RAB12: variants seen among roughly 807,000 people sequenced by gnomAD.
RAB12 encodes ras-related protein Rab-12.
A neutral mutation model predicts 28.4 loss-of-function variants in RAB12; 11 were observed. That is an observed-to-expected ratio of 0.39 (90% CI 0.24 to 0.64). The LOEUF (loss-of-function observed/expected upper bound fraction) is 0.64. Ranked by LOEUF, RAB12 falls within the 30% of genes least tolerant of loss-of-function variation. The pLI, the probability that RAB12 is intolerant of heterozygous loss-of-function variation, is 0.50. For synonymous variants in RAB12, 138 were observed against 145.3 expected (o/e 0.95, Z 0.36); for missense variants, 276 against 351.1 (o/e 0.79, Z 1.71).
chr18:8,623,062 A>T (rs1398801322), intron 1 of RAB12, among the ~76,000 whole-genome samples: 1 of 152,316 alleles, frequency 6.6e-6, no homozygotes, highest in South Asian at 2.1e-4. Context: ...CACATGCTCT[A>T]CAATTTGTGC....
chr18:8,618,614 G>A (rs890569855), intron 1 of RAB12, among the ~76,000 whole-genome samples: 1 of 151,568 alleles, frequency 6.6e-6, no homozygotes, highest in African/African-American at 2.4e-5. Flanking sequence ...GGTTCACGCC[G>A]TTCTCCTGCC....
At chr18:8,621,854 A>G (rs1451070806) in intron 1 of RAB12, among the ~76,000 whole-genome samples, 5 of 152,114 alleles carry the variant, frequency 3.3e-5, no homozygotes, top group East Asian at 1.9e-4. Flanking sequence ...TCTTAGCCCT[A>G]TTTACTGTCG....
chr18:8,638,279 C>G lies in RAB12; in HGVS notation c.*17C>G, dbSNP rs763198374. 13 of 1,551,514 alleles carry G rather than the reference C, an allele frequency of 8.4e-6. No homozygotes were observed. The highest frequency in any genetic ancestry group is 1.2e-5 in the Non-Finnish European group (13 of 1,124,226). ...TGCTGTTGATTTCCTACTTTGGAGA[C>G]AAAGTGGAAATGATTCCTGGAAAGG... On this transcript the variant is annotated 3_prime_UTR_variant, in exon 6 of 6. Transcript: ENST00000649141.
At chr18:8,620,166 A>AAT (rs2096009090) in intron 1 of RAB12, among the ~76,000 whole-genome samples, 1 of 11,656 alleles carries the variant, frequency 8.6e-5, no homozygotes, top group African/African-American at 7.4e-4. Context: ...TTTTTGCTTC[A>AAT]AAAAAAAAAA....
intron 1 of RAB12, among the ~76,000 whole-genome samples, chr18:8,616,037 C>T (rs1198979837): frequency 2.0e-5 from 3 of 152,140 alleles, no homozygotes; most frequent in Non-Finnish European, 2.9e-5. Flanking sequence ...GTGCCAGATA[C>T]GTTGTTCCAA....
chr18:8,624,184 C>A (rs2096011434), intron 1 of RAB12, among the ~76,000 whole-genome samples: 1 of 152,208 alleles, frequency 6.6e-6, no homozygotes, highest in South Asian at 2.1e-4. Context: ...CCTTTTGTTT[C>A]CCTTAGTTAT....
In RAB12 at chr18:8,635,643, C is replaced by T. The variant is rs147489143; in HGVS notation, c.804+21C>T. 489 of 1,534,728 alleles carry T rather than the reference C, an allele frequency of 3.2e-4. 1 individual carries two copies. The African/African-American group carries it at 5.5e-3, about 17-fold the overall frequency. On this transcript the variant is annotated intron_variant, in intron 4 of 5. Coordinates refer to ENST00000649141, the MANE Select transcript of RAB12 (RefSeq NM_001025300.3). Reference sequence around the variant, plus strand: ...AAAAGGTGAGAGGGCGTGGGAGGCACGGTTGCCACACACTGTGCTTAGCGC... The same window carrying T: ...AAAAGGTGAGAGGGCGTGGGAGGCATGGTTGCCACACACTGTGCTTAGCGC...
Position 8,636,290 on chromosome 18 carries a change from C to CA in RAB12, c.844dup (p.Ser282LysfsTer5). 1 of 1,613,668 alleles carries CA rather than the reference C, an allele frequency of 6.2e-7. No homozygotes were observed. Among genetic ancestry groups the CA allele is most frequent in the Non-Finnish European group, 8.5e-7 (1 of 1,179,666 alleles). ...ATCACTGGGATGCGGTTCTGTGAAG[C>CA]AAGTGCCAAGGATAACTTCAATGTG... On this transcript the variant is annotated frameshift_variant, in exon 5 of 6. Transcript: ENST00000649141. LOFTEE classifies it high-confidence loss of function.
chr18:8,614,770 G>A (rs1019680430), intron 1 of RAB12, among the ~76,000 whole-genome samples: 1 of 152,062 alleles, frequency 6.6e-6, no homozygotes, highest in Non-Finnish European at 1.5e-5. Context: ...ATTTTTAGTA[G>A]TGACAGGGTT....
At chr18:8,637,962 C>T (rs1165321100) in intron 5 of RAB12, among the ~76,000 whole-genome samples, 187 bp from the exon 6 acceptor site, 3 of 152,024 alleles carry the variant, frequency 2.0e-5, no homozygotes, top group Non-Finnish European at 2.9e-5. Context: ...ATTGGTCTTG[C>T]TGTCTCTTCC....
chr18:8,621,712 G>A (rs2096009971), intron 1 of RAB12, among the ~76,000 whole-genome samples: 1 of 152,074 alleles, frequency 6.6e-6, no homozygotes, highest in African/African-American at 2.4e-5. Context: ...AGATGGTTTT[G>A]TCACCCAGGC....
At position 8,639,184 on chromosome 18, in the gene RAB12, T is replaced by TTTTTTTTTTTTTG. The variant is rs2096020983; in HGVS notation, c.*930_*931insTTTTGTTTTTTTT. 1 of 130,964 alleles carries TTTTTTTTTTTTTG rather than the reference T, an allele frequency of 7.6e-6. No homozygotes were observed. The highest frequency in any genetic ancestry group is 2.9e-5 in the African/African-American group (1 of 34,146). The allele number at this position is 130,964 out of a possible 1,614,324, so 8.1% of individuals were successfully genotyped here. A position where few individuals can be genotyped will look rare whatever the true frequency, so the allele number is the denominator to read the frequency against. ...TTTTTTTTTTTTTTTTTTTTTTTTT[T>TTTTTTTTTTTTTG]TTTTTTTTGGTCTGATGATGAATTT... On this transcript the variant is annotated 3_prime_UTR_variant, in exon 6 of 6. Transcript: ENST00000649141.
chr18:8,624,554 A>T (rs980030280), intron 1 of RAB12, among the ~76,000 whole-genome samples: 12 of 152,242 alleles, frequency 7.9e-5, no homozygotes, highest in African/African-American at 2.9e-4. Context: ...TTAAGTTTCC[A>T]GTGTTCCATA....
intron 1 of RAB12, among the ~76,000 whole-genome samples, chr18:8,622,359 G>A (rs552246978): frequency 9.2e-5 from 14 of 152,288 alleles, no homozygotes; most frequent in African/African-American, 3.1e-4. Flanking sequence ...TTTTCCCTAA[G>A]CGTCGGCCGG....
At position 8,636,335 on chromosome 18, in the gene RAB12, T is replaced by G; in HGVS notation, c.887T>G (p.Leu296Arg). The G allele has an allele frequency of 6.2e-7, 1 of 1,606,390 alleles. No individual in the cohort carries two copies. Among genetic ancestry groups the G allele is most frequent in the Non-Finnish European group, 8.5e-7 (1 of 1,174,574 alleles). Reference sequence around the variant, plus strand: ...AATGTGGACGAGATATTTTTGAAACTTGTCGATGACATTCTGAAAAAGGTA... The same window carrying G: ...AATGTGGACGAGATATTTTTGAAACGTGTCGATGACATTCTGAAAAAGGTA... ...NFNVDEIFLK[L>R]VDDILKKMPL... is the part of the protein sequence containing the mutation. The change falls in exon 5 of 6, where the codon CTT becomes CGT. Residue 296 changes from leucine (L) to arginine (R), a missense_variant. This residue lies in a region of RAB12 where 127 missense variants were observed against 161.4 expected (regional missense o/e 0.79). Coordinates refer to ENST00000649141, the MANE Select transcript of RAB12 (RefSeq NM_001025300.3).
At chr18:8,635,088 T>A (rs2096018126) in intron 3 of RAB12, 1 of 152,450 alleles carries the variant, frequency 6.6e-6, no homozygotes, top group African/African-American at 2.4e-5. Context: ...TTGCTTATTT[T>A]GTGAATATTC....
chr18:8,616,392 A>C (rs2096006687), intron 1 of RAB12, among the ~76,000 whole-genome samples: 1 of 151,956 alleles, frequency 6.6e-6, no homozygotes, highest in Non-Finnish European at 1.5e-5. Context: ...AAAAAAAAAA[A>C]AAAAAAAACT....
At chr18:8,627,938 A>C (rs1481181173) in intron 2 of RAB12, among the ~76,000 whole-genome samples, 2 of 152,238 alleles carry the variant, frequency 1.3e-5, no homozygotes, top group Admixed American at 6.5e-5. Flanking sequence ...ACAGCAAATA[A>C]GAGGCTTTGA....
At chr18:8,617,830 G>C (rs943356347) in intron 1 of RAB12, among the ~76,000 whole-genome samples, 2 of 152,102 alleles carry the variant, frequency 1.3e-5, no homozygotes, top group Non-Finnish European at 2.9e-5. Flanking sequence ...CAGTCTACCA[G>C]CTTCCCTGAC....
Sources: allele counts gnomAD v4.1 joint callset (sites outside exome capture counted in the v4.1 genomes callset), GRCh38; gene constraint gnomAD v4.1.1; regional missense constraint gnomAD v4.1.1; transcripts MANE v1.5; gene names NCBI Gene and HGNC (gene_info 2026-07-23, HGNC 2026-07-21).